Variants in PPP2R5D observed in about 807,000 individuals in gnomAD.
PPP2R5D encodes the protein protein phosphatase 2 regulatory subunit B'delta.
Under a neutral mutation model 79.1 loss-of-function variants are expected in PPP2R5D, and 12 were observed. The observed-to-expected ratio is 0.15, with a 90% CI of 0.10 to 0.25. The LOEUF (loss-of-function observed/expected upper bound fraction) is 0.25, where lower values mean the gene tolerates loss of function less well. PPP2R5D is among the 10% of genes least tolerant of loss of function. The pLI, the probability that PPP2R5D is intolerant of heterozygous loss-of-function variation, is 1.00. For synonymous variants in PPP2R5D, 277 were observed against 286.6 expected (o/e 0.97, Z 0.34); for missense variants, 419 against 760.2 (o/e 0.55, Z 5.28).
intron 1 of PPP2R5D, among the ~76,000 whole-genome samples, chr6:42,987,302 G>A (rs889366114): frequency 3.9e-5 from 6 of 152,156 alleles, no homozygotes; most frequent in Non-Finnish European, 7.3e-5. Context: ...TAGGTGCTAA[G>A]ATAATCTCTT....
Position 42,989,687 on chromosome 6 carries a change from A to G in PPP2R5D, c.104A>G (p.Glu35Gly). Residue 35 changes from glutamate to glycine, a missense_variant and splice_region_variant, in exon 2 of 16, where the codon GAG becomes GGG. Transcript: ENST00000485511. ...GKDGGGENTEEAQPQPQPQPQ... is the reference protein window; with the variant it reads ...GKDGGGENTEGAQPQPQPQPQ... ...GATGGTGGAGGCGAGAACACTGAGG[A>G]GGTAATGAATGTAGGCGTAGCCTTA... The G allele has an allele frequency of 6.2e-7, 1 of 1,612,990 alleles. No individual in the cohort carries two copies. The highest frequency in any genetic ancestry group is 8.5e-7 in the Non-Finnish European group (1 of 1,179,264).
chr6:42,997,775 A>AACT (rs1771809565), intron 2 of PPP2R5D, among the ~76,000 whole-genome samples: 1 of 150,708 alleles, frequency 6.6e-6, no homozygotes, highest in Non-Finnish European at 1.5e-5. Context: ...CCAACTCCTG[A>AACT]CCTCAGGCGA....
Position 43,009,263 on chromosome 6 carries a change from A to G in PPP2R5D, c.1251+36A>G, listed in dbSNP as rs774590487. The G allele has an allele frequency of 2.5e-6, 4 of 1,613,924 alleles. No homozygotes were observed. In the Admixed American group the frequency reaches 6.7e-5, roughly 27 times the overall value. ...AACCTAGCATATCCTAGCCCCTGCC[A>G]GAAACTGAGGTCTTGAGTGAAATGA... On this transcript the variant is annotated intron_variant, in intron 11 of 15. Transcript: ENST00000485511. The surrounding 1 kb of genome is among the most constrained non-coding windows in gnomAD (Gnocchi z 5.6).
rs530788822 is a variant in PPP2R5D at position 42,995,197 on chromosome 6, C to CA, written c.105+5510dup. On this transcript the variant is annotated intron_variant, in intron 2 of 15. Transcript: ENST00000485511. The stretch of plus-strand genomic sequence containing the variant: ...CCAGGCTGGAGTACAGTGGTACAAT[C>CA]ATGGCTCACTGCAGCCTCAACCTCC... 5.0e-5 allele frequency among the ~76,000 whole-genome samples: 7 copies of CA among 140,196 alleles called. No homozygotes were observed. In the Admixed American group the frequency reaches 5.3e-4, roughly 11 times the overall value. The allele number at this position is 140,196 out of a possible 152,430, so 92.0% of individuals were successfully genotyped here.
In PPP2R5D at chr6:42,984,582, C is replaced by T; in HGVS notation, c.-96C>T. 6.8e-7 allele frequency: 1 copy of T among 1,470,062 alleles called. No homozygotes were observed. The highest frequency in any genetic ancestry group is 9.0e-7 in the Non-Finnish European group (1 of 1,112,598). 91.1% of individuals were successfully genotyped at this position (1,470,062 alleles called of 1,614,324 possible). On this transcript the variant is annotated 5_prime_UTR_variant, in exon 1 of 16. Transcript: ENST00000485511. ...GCTCGACCCGGGCGCAGCGCGCAGG[C>T]GGTGGCGAAGAGACGCCGAGCGGGC...
Position 43,007,731 on chromosome 6 carries a change from C to T in PPP2R5D, c.727-204C>T, listed in dbSNP as rs1762166239. Among the ~76,000 whole-genome samples, 1 of 152,210 alleles carries T rather than the reference C, an allele frequency of 6.6e-6. No homozygotes were observed. Among genetic ancestry groups the T allele is most frequent in the Non-Finnish European group, 1.5e-5 (1 of 68,038 alleles). ...CAAAAAAGCAACAGAGTACCTCTCT[C>T]AGGTCAATAGTGAGGCATCACTTTG... On this transcript the variant is annotated intron_variant, in intron 6 of 15. Coordinates refer to ENST00000485511, the MANE Select transcript of PPP2R5D (RefSeq NM_006245.4). This position sits in a 1 kb window ranked among gnomAD's most constrained non-coding sequence, Gnocchi z 4.5.
chr6:42,996,061 G>GT (rs1250542708), intron 2 of PPP2R5D, among the ~76,000 whole-genome samples: 9 of 141,568 alleles, frequency 6.4e-5, no homozygotes, highest in Non-Finnish European at 1.5e-5. Flanking sequence ...GGCCAGGATG[G>GT]TCTCGATCAC....
At chr6:43,003,364 G>T (rs1216631657) in intron 2 of PPP2R5D, among the ~76,000 whole-genome samples, 3 of 152,268 alleles carry the variant, frequency 2.0e-5, no homozygotes, top group Non-Finnish European at 4.4e-5. Flanking sequence ...GCAGGTTGCA[G>T]TGAGCCAACA....
At position 42,986,126 on chromosome 6, in the gene PPP2R5D, G is replaced by A. The variant is rs149132756; in HGVS notation, c.27+1422G>A. 2.3e-3 allele frequency among the ~76,000 whole-genome samples: 351 copies of A among 152,078 alleles called. 1 individual carries two copies. Among genetic ancestry groups the A allele is most frequent in the African/African-American group, 7.5e-3 (310 of 41,470 alleles). ...TTCTTTCACCTTCCTCATCTACCTC[G>A]GTGCTGCCTTCCCCTGCTCCTCATC... On this transcript the variant is annotated intron_variant, in intron 1 of 15. Transcript: ENST00000485511.
At chr6:42,998,049 ATATATATATTTTTTTTTTTT>A (rs1771898339) in intron 2 of PPP2R5D, among the ~76,000 whole-genome samples, 1 of 19,378 alleles carries the variant, frequency 5.2e-5, no homozygotes, top group Non-Finnish European at 9.7e-5. Flanking sequence ...ATATATATAT[ATATATATATTTTTTTTTTTT>A]TTTTTTTTTT....
At chr6:42,987,632 C>T (rs1770948700) in intron 1 of PPP2R5D, among the ~76,000 whole-genome samples, 1 of 152,162 alleles carries the variant, frequency 6.6e-6, no homozygotes, top group African/African-American at 2.4e-5. Flanking sequence ...CTGTGCTACA[C>T]AGCATTTGAC....
At chr6:42,992,048 GCA>G (rs1771299623) in intron 2 of PPP2R5D, among the ~76,000 whole-genome samples, 1 of 152,090 alleles carries the variant, frequency 6.6e-6, no homozygotes, top group African/African-American at 2.4e-5. Context: ...AAGCTGTTTG[GCA>G]CAGTCCTTCC....
chr6:43,002,645 C>T (rs537821563), intron 2 of PPP2R5D, among the ~76,000 whole-genome samples: 160 of 152,246 alleles, frequency 1.1e-3, no homozygotes, highest in Admixed American at 1.9e-3. Context: ...GTCTAATACA[C>T]GGGACCCACA....
rs538285910 is a variant in PPP2R5D at position 43,008,697 on chromosome 6, C to T, written c.1031C>T (p.Ala344Val). 1 of 1,614,086 alleles carries T rather than the reference C, an allele frequency of 6.2e-7. No individual in the cohort carries two copies. The highest frequency in any genetic ancestry group is 1.7e-5 in the Admixed American group (1 of 60,018). Residue 344 changes from alanine to valine, a missense_variant, in exon 10 of 16, where the codon GCA becomes GTA. Physicochemically the swap from Ala to Val is moderately conservative, Grantham distance 64. Transcript: ENST00000485511. The surrounding 1 kb of genome is among the most constrained non-coding windows in gnomAD (Gnocchi z 4.2). ...TTCTACCTCACACCTTTGCAGCTGGCATACTGTGTGGTACAATTCCTGGAG... is the reference window on the plus strand; with the variant it reads ...TTCTACCTCACACCTTTGCAGCTGGTATACTGTGTGGTACAATTCCTGGAG... ...KSLSVYHPQL[A>V]YCVVQFLEKE...
rs745813891 is a variant in PPP2R5D, at chr6:42,984,572, A to T, written c.-106A>T. 26 of 1,451,680 alleles carry T rather than the reference A, an allele frequency of 1.8e-5. No individual in the cohort carries two copies. The highest frequency in any genetic ancestry group is 2.2e-5 in the Non-Finnish European group (24 of 1,105,392). The allele number at this position is 1,451,680 out of a possible 1,614,324, so 89.9% of individuals were successfully genotyped here. ...CGCAGGCACCGCTCGACCCGGGCGC[A>T]GCGCGCAGGCGGTGGCGAAGAGACG... is the stretch of plus-strand genomic sequence containing the variant. On this transcript the variant is annotated 5_prime_UTR_variant, in exon 1 of 16. Transcript: ENST00000485511.
At position 43,010,675 on chromosome 6, in the gene PPP2R5D, G is replaced by A. The variant is rs753080336; in HGVS notation, c.1493G>A (p.Arg498Gln). 29 of 1,613,908 alleles carry A rather than the reference G, an allele frequency of 1.8e-5. No individual in the cohort carries two copies. The highest frequency in any genetic ancestry group is 5.3e-5 in the African/African-American group (4 of 74,908). Residue 498 changes from arginine to glutamine, a missense_variant, in exon 14 of 16, where the codon CGA becomes CAA. By Grantham distance (43) the Arg-to-Gln change is conservative. Around this residue, in one of 5 missense-constraint regions of PPP2R5D, gnomAD observed 196 missense variants for 424.5 expected, o/e 0.46. Transcript: ENST00000485511. This position sits in a 1 kb window ranked among gnomAD's most constrained non-coding sequence, Gnocchi z 4.7. Reference sequence around the variant, plus strand: ...CTTTTGCTCCTCAGGGGCCGGTTCCGAATGAAGGAAAGGGAAGAGATGTGG... The same window carrying A: ...CTTTTGCTCCTCAGGGGCCGGTTCCAAATGAAGGAAAGGGAAGAGATGTGG... ...YKAEKQKGRF[R>Q]MKEREEMWQK...
chr6:43,007,930 C>A lies in PPP2R5D; in HGVS notation c.727-5C>A. ...CTGGCTGCTTTCCCTCCCTTGTACC[C>A]CCAGCTCCTAGACCTATTTGACAGT... On this transcript the variant is annotated splice_region_variant and splice_polypyrimidine_tract_variant and intron_variant, in intron 6 of 15. Transcript: ENST00000485511. This position sits in a 1 kb window ranked among gnomAD's most constrained non-coding sequence, Gnocchi z 4.5. 6.2e-7 allele frequency: 1 copy of A among 1,614,064 alleles called. No homozygotes were observed. The highest frequency in any genetic ancestry group is 8.5e-7 in the Non-Finnish European group (1 of 1,179,910).
At chr6:42,994,102 T>C (rs1771465347) in intron 2 of PPP2R5D, among the ~76,000 whole-genome samples, 1 of 151,490 alleles carries the variant, frequency 6.6e-6, no homozygotes, top group Non-Finnish European at 1.5e-5. Context: ...AGGTCAGGAG[T>C]TCGAGACTAG....
At position 43,010,558 on chromosome 6, in the gene PPP2R5D, A is replaced by G; in HGVS notation, c.1470A>G (p.Ala490=). The G allele has an allele frequency of 6.2e-7, 1 of 1,614,140 alleles. No homozygotes were observed. Among genetic ancestry groups the G allele is most frequent in the Non-Finnish European group, 8.5e-7 (1 of 1,179,990 alleles). The change falls in exon 13 of 16, where the codon GCA becomes GCG. Residue 490 remains alanine (A), a synonymous_variant. Transcript: ENST00000485511. This position sits in a 1 kb window ranked among gnomAD's most constrained non-coding sequence, Gnocchi z 4.7. ...ATGACTGCACACAACAATACAAGGC[A>G]GAGAAGCAGAAGTGAGTATCTCTCT... ...LFDDCTQQYK[A]EKQKGRFRMK... is the part of the protein sequence containing the mutation.
Sources: gnomAD v4.1 joint callset for allele counts (sites outside exome capture counted in the v4.1 genomes callset) on GRCh38, gnomAD v4.1.1 for gene constraint, gnomAD v4.1.1 regional missense constraint, Gnocchi (gnomAD v3.1) non-coding constraint, MANE v1.5 for transcripts, NCBI Gene and HGNC (gene_info 2026-07-23, HGNC 2026-07-21) for gene names.